The following CCDC122 variants were observed in gnomAD, a reference collection of about 807,000 sequenced individuals.
The protein encoded by CCDC122 is coiled-coil domain-containing protein 122.
CCDC122 carries 38 observed loss-of-function variants against 37.0 expected under a neutral mutation model. The ratio of observed to expected loss-of-function variants is 1.03; its 90% CI spans 0.79 to 1.35. The LOEUF (loss-of-function observed/expected upper bound fraction) is 1.35. Ranked by LOEUF, CCDC122 falls within the 40% of genes most tolerant of loss-of-function variation. The pLI is 0.00. For synonymous variants in CCDC122, 83 were observed against 95.6 expected, an observed-to-expected ratio of 0.87 and a Z score of 0.77; for missense variants, 305 against 310.0, an observed-to-expected ratio of 0.98 and a Z score of 0.12.
intron 6 of CCDC122, among the ~76,000 whole-genome samples, chr13:43,847,009 A>G (rs190178252): frequency 3.4e-4 from 52 of 152,346 alleles, no homozygotes; most frequent in Admixed American, 3.2e-3. Context: ...TTCTTGGTGC[A>G]AAGGGTTTGT....
At chr13:43,869,920 G>C (rs1223219383) in intron 2 of CCDC122, among the ~76,000 whole-genome samples, 2 of 152,026 alleles carry the variant, frequency 1.3e-5, no homozygotes, top group African/African-American at 4.8e-5. Flanking sequence ...CTCCTGTCCA[G>C]TGCTATTCTG....
intron 5 of CCDC122, 24 bp downstream of exon 5, chr13:43,859,648 G>A: frequency 6.9e-7 from 1 of 1,442,924 alleles, no homozygotes; most frequent in Non-Finnish European, 9.1e-7. Context: ...AGAAAAAATA[G>A]TTTTACTAAG....
At chr13:43,844,672 T>C (rs564497875) in intron 6 of CCDC122, among the ~76,000 whole-genome samples, 3 of 152,262 alleles carry the variant, frequency 2.0e-5, no homozygotes, top group Non-Finnish European at 2.9e-5. Flanking sequence ...TCTGTTATTA[T>C]GTAAATGTAC....
intron 2 of CCDC122, among the ~76,000 whole-genome samples, chr13:43,872,778 A>G (rs886924387): frequency 2.6e-5 from 4 of 152,108 alleles, no homozygotes; most frequent in African/African-American, 9.7e-5. Flanking sequence ...ATTATTCTGA[A>G]CAGCCCATCA....
At chr13:43,823,174 G>T (rs1360720888), downstream of CCDC122, among the ~76,000 whole-genome samples, 1 of 152,054 alleles carries the variant, frequency 6.6e-6, no homozygotes, top group Non-Finnish European at 1.5e-5. Context: ...TACCAGGACT[G>T]GGTCCTTCCC....
At chr13:43,876,302 T>G (rs1442358869) in intron 1 of CCDC122, among the ~76,000 whole-genome samples, 2 of 152,234 alleles carry the variant, frequency 1.3e-5, no homozygotes, top group Non-Finnish European at 2.9e-5. Flanking sequence ...TAAACCTTAG[T>G]GTAAATGGCT....
intron 6 of CCDC122, among the ~76,000 whole-genome samples, chr13:43,846,311 T>G (rs977085353): frequency 6.6e-6 from 1 of 152,174 alleles, no homozygotes; most frequent in African/African-American, 2.4e-5. Flanking sequence ...TGACCTCCAG[T>G]GATCCGCCCA....
At chr13:43,825,538 C>T (rs1953031233) in intron 3 of CCDC122, among the ~76,000 whole-genome samples, 1 of 151,994 alleles carries the variant, frequency 6.6e-6, no homozygotes, top group Admixed American at 6.5e-5. Flanking sequence ...GGGAGGCCAA[C>T]TTGGGTGGAT....
At chr13:43,855,378 C>CAA (rs1486350493) in intron 6 of CCDC122, 1 of 151,828 alleles carries the variant, frequency 6.6e-6, no homozygotes, top group Non-Finnish European at 1.5e-5. Context: ...CACACACACA[C>CAA]ACACACACAC....
At chr13:43,866,197 A>G (rs1333661401) in intron 4 of CCDC122, among the ~76,000 whole-genome samples, 1 of 152,202 alleles carries the variant, frequency 6.6e-6, no homozygotes, top group Admixed American at 6.5e-5. Flanking sequence ...GTAATCTTCC[A>G]TTTAATACTT....
chr13:43,819,959 C>T (rs1952982337), downstream of CCDC122, among the ~76,000 whole-genome samples: 2 of 25,808 alleles, frequency 7.7e-5, no homozygotes, highest in Admixed American at 3.0e-4. Flanking sequence ...ACCCAAAAAC[C>T]TGAAGTTTTT....
downstream of CCDC122, among the ~76,000 whole-genome samples, chr13:43,835,131 T>C (rs1247016674): frequency 6.6e-6 from 1 of 152,110 alleles, no homozygotes; most frequent in East Asian, 1.9e-4. Context: ...TATGCAGCCA[T>C]AAAAAATGAT....
chr13:43,821,264 T>C (rs774440398), downstream of CCDC122, among the ~76,000 whole-genome samples: 1 of 152,170 alleles, frequency 6.6e-6, no homozygotes, highest in Non-Finnish European at 1.5e-5. Flanking sequence ...GTTCTTGTAG[T>C]GCAGACTGGA....
At chr13:43,844,303 G>C (rs74070274) in intron 6 of CCDC122, among the ~76,000 whole-genome samples, 1,551 of 151,824 alleles carry the variant, frequency 0.01, 24 homozygotes, top group African/African-American at 0.035. Flanking sequence ...GGGTTATTTA[G>C]AAGTATGGTC....
chr13:43,847,401 C>CT (rs1197076255), intron 6 of CCDC122, among the ~76,000 whole-genome samples: 2 of 152,020 alleles, frequency 1.3e-5, no homozygotes, highest in Non-Finnish European at 2.9e-5. Context: ...ACATTTTAAT[C>CT]TTTTTTAAGG....
chr13:43,840,048 A>G (rs1482385914), intron 6 of CCDC122, among the ~76,000 whole-genome samples: 1 of 152,184 alleles, frequency 6.6e-6, no homozygotes, highest in Non-Finnish European at 1.5e-5. Context: ...GCAGTCTATG[A>G]GTGGTTGAAG....
chr13:43,850,027 G>A (rs1046329233), intron 6 of CCDC122, among the ~76,000 whole-genome samples: 1 of 152,156 alleles, frequency 6.6e-6, no homozygotes, highest in Non-Finnish European at 1.5e-5. Flanking sequence ...CTTTCACCAG[G>A]ACTCAGTAGT....
At chr13:43,849,878 C>A (rs745394706) in intron 6 of CCDC122, among the ~76,000 whole-genome samples, 2 of 152,162 alleles carry the variant, frequency 1.3e-5, no homozygotes, top group African/African-American at 2.4e-5. Flanking sequence ...GAGTTTTAAT[C>A]CTCTCTAAGC....
chr13:43,854,954 T>A (rs554399752), intron 6 of CCDC122: 1 of 152,198 alleles, frequency 6.6e-6, no homozygotes, highest in South Asian at 2.1e-4. Flanking sequence ...CTCAATAAAC[T>A]AAGTACTGAA....
Sources: gnomAD v4.1 joint callset for allele counts (sites outside exome capture counted in the v4.1 genomes callset) on GRCh38, gnomAD v4.1.1 for gene constraint, MANE v1.5 for transcripts, NCBI Gene and HGNC (gene_info 2026-07-23, HGNC 2026-07-21) for gene names.